Variants in SLC7A11 observed in about 807,000 individuals in gnomAD.
The protein encoded by SLC7A11 is solute carrier family 7 member 11.
A neutral mutation model predicts 54.5 loss-of-function variants in SLC7A11; 35 were observed. The observed-to-expected ratio is 0.64, with a 90% CI of 0.49 to 0.85. The LOEUF (loss-of-function observed/expected upper bound fraction) is 0.85. Ranked by LOEUF, SLC7A11 falls within the 40% of genes least tolerant of loss-of-function variation. The pLI is 0.00. For synonymous variants in SLC7A11, 230 were observed against 225.2 expected, an observed-to-expected ratio of 1.02 and a Z score of -0.19; for missense variants, 583 against 618.1, an observed-to-expected ratio of 0.94 and a Z score of 0.60.
At chr4:138,234,386 T>C (rs981655685) in intron 2 of SLC7A11, among the ~76,000 whole-genome samples, 1 of 152,176 alleles carries the variant, frequency 6.6e-6, no homozygotes, top group Non-Finnish European at 1.5e-5. Flanking sequence ...AAGAGAAATA[T>C]TTACATACTT....
intron 11 of SLC7A11, among the ~76,000 whole-genome samples, chr4:138,173,138 C>T (rs1736478314): frequency 6.6e-6 from 1 of 152,100 alleles, no homozygotes; most frequent in African/African-American, 2.4e-5. Flanking sequence ...CCACCATGCC[C>T]AGCCAGTTTG....
At chr4:138,175,184 A>G (rs1374814472) in intron 11 of SLC7A11, among the ~76,000 whole-genome samples, 1 of 152,180 alleles carries the variant, frequency 6.6e-6, no homozygotes, top group Non-Finnish European at 1.5e-5. Flanking sequence ...ACATAAATGA[A>G]GTTATCTTGA....
At chr4:138,185,347 T>C in intron 6 of SLC7A11, 103 bp from the exon 7 acceptor site, 1 of 1,286,266 alleles carries the variant, frequency 7.8e-7, no homozygotes, top group East Asian at 2.4e-5. Context: ...TAATGGTATC[T>C]ACAATAATTA....
intron 8 of SLC7A11, 59 bp from the exon 9 acceptor site, chr4:138,182,452 ATCC>A: frequency 9.6e-7 from 1 of 1,042,868 alleles, no homozygotes; most frequent in South Asian, 1.3e-5. Flanking sequence ...CAAAGGGAAA[ATCC>A]AAAAATCCCA....
chr4:138,181,928 T>C (rs1736752595), intron 9 of SLC7A11, among the ~76,000 whole-genome samples: 1 of 152,160 alleles, frequency 6.6e-6, no homozygotes, highest in African/African-American at 2.4e-5. Context: ...TACATCTGGG[T>C]ACTTTTTGGA....
intron 1 of SLC7A11, among the ~76,000 whole-genome samples, chr4:138,240,529 T>C (rs983893064): frequency 7.0e-6 from 1 of 143,626 alleles, no homozygotes; most frequent in Non-Finnish European, 1.5e-5. Context: ...ATCACACCAC[T>C]GCACTCCAGC....
intron 4 of SLC7A11, among the ~76,000 whole-genome samples, chr4:138,220,454 A>G (rs911371380): frequency 4.5e-5 from 6 of 132,164 alleles, no homozygotes; most frequent in Non-Finnish European, 8.7e-5. Context: ...AGAGAATGAC[A>G]TGTTTTTTTT....
intron 6 of SLC7A11, among the ~76,000 whole-genome samples, chr4:138,205,255 T>C (rs1737380313): frequency 6.6e-6 from 1 of 152,072 alleles, no homozygotes; most frequent in African/African-American, 2.4e-5. Flanking sequence ...ACTCAGCAAG[T>C]AGATGTTTCT....
chr4:138,209,231 A>G (rs954471718), intron 6 of SLC7A11, among the ~76,000 whole-genome samples: 3 of 152,030 alleles, frequency 2.0e-5, no homozygotes, highest in Non-Finnish European at 2.9e-5. Context: ...GAGGAAGACC[A>G]TAAAGGGTGT....
rs760391383 is a variant in SLC7A11, at chr4:138,170,205, C to CTATATATATATATATATATATA, written c.*1729_*1750dup. The CTATATATATATATATATATATA allele has an allele frequency of 3.1e-5, 3 of 98,168 alleles. No individual in the cohort carries two copies. The highest frequency in any genetic ancestry group is 4.0e-5 in the Non-Finnish European group (2 of 49,440). 6.1% of individuals were successfully genotyped at this position (98,168 alleles called of 1,614,324 possible). A position where few individuals can be genotyped will look rare whatever the true frequency, so the allele number is the denominator to read the frequency against. On this transcript the variant is annotated 3_prime_UTR_variant, in exon 12 of 12. Transcript: ENST00000280612. The stretch of plus-strand genomic sequence containing the variant: ...ATATTACTCTCATTTGTAAGTTCCA[C>CTATATATATATATATATATATA]TATATATATATATATATATATATAA...
At chr4:138,225,691 A>G (rs1341111063) in intron 3 of SLC7A11, among the ~76,000 whole-genome samples, 2 of 152,062 alleles carry the variant, frequency 1.3e-5, no homozygotes, top group Non-Finnish European at 2.9e-5. Context: ...TATTGTTTTA[A>G]TTAAGGAGGT....
At position 138,167,196 on chromosome 4, in the gene SLC7A11, G is replaced by A. The variant is rs376314299; in HGVS notation, c.*4760C>T. ...TGAAGTCTCGCGCTCTTGTCCCCTA[G>A]GCTGGAGTGCAATGATGCGATCTTG... On this transcript the variant is annotated 3_prime_UTR_variant, in exon 12 of 12. Coordinates refer to ENST00000280612, the MANE Select transcript of SLC7A11 (RefSeq NM_014331.4). 1.6e-5 allele frequency: 2 copies of A among 127,542 alleles called. No homozygotes were observed. Among genetic ancestry groups the A allele is most frequent in the African/African-American group, 6.1e-5 (2 of 32,532 alleles). The allele number at this position is 127,542 out of a possible 1,614,324, so 7.9% of individuals were successfully genotyped here. A position where few individuals can be genotyped will look rare whatever the true frequency, so the allele number is the denominator to read the frequency against.
chr4:138,219,327 CT>C lies in SLC7A11; in HGVS notation c.684del (p.Asp229IlefsTer31). The C allele has an allele frequency of 6.2e-7, 1 of 1,611,174 alleles. No individual in the cohort carries two copies. Among genetic ancestry groups the C allele is most frequent in the Non-Finnish European group, 8.5e-7 (1 of 1,177,520 alleles). On this transcript the variant is annotated frameshift_variant, in exon 5 of 12. Coordinates refer to ENST00000280612, the MANE Select transcript of SLC7A11 (RefSeq NM_014331.4). LOFTEE classifies it high-confidence loss of function. ...TQNFKDAFSGRDSSITRLPLA... is the reference protein window; with the variant it reads ...TQNFKDAFSGXDSSITRLPLA... ...AGTGGCAACCGCGTAATACTTGAAT[CT>C]CTTCCTGAAAAGGCGTCTTTAAAGT...
Position 138,184,065 on chromosome 4 carries a change from G to T in SLC7A11, c.916-760C>A, listed in dbSNP as rs535127014. On this transcript the variant is annotated intron_variant, in intron 7 of 11. Coordinates refer to ENST00000280612, the MANE Select transcript of SLC7A11 (RefSeq NM_014331.4). ...TTTTCCAAAAAAAGAAAATGTGTTG[G>T]ATTCATTAGTTGTCCTTGATGCAGC... Among the ~76,000 whole-genome samples the T allele has an allele frequency of 5.3e-5, 8 of 152,244 alleles. No individual in the cohort carries two copies. In the East Asian group the frequency reaches 1.5e-3, roughly 29 times the overall value.
intron 3 of SLC7A11, among the ~76,000 whole-genome samples, chr4:138,225,173 A>ATATATATATATATAT (rs1266953642): frequency 1.8e-5 from 2 of 111,084 alleles, no homozygotes; most frequent in Admixed American, 9.5e-5. Context: ...TATATATATA[A>ATATATATATATATAT]ATAAAATCAT....
rs114999044 is a variant in SLC7A11, at chr4:138,224,162, T to C, written c.521-838A>G. Among the ~76,000 whole-genome samples, 846 of 152,244 alleles carry C rather than the reference T, an allele frequency of 5.6e-3. 9 individuals carry two copies. The highest frequency in any genetic ancestry group is 0.02 in the African/African-American group (813 of 41,544). On this transcript the variant is annotated intron_variant, in intron 3 of 11. Coordinates refer to ENST00000280612, the MANE Select transcript of SLC7A11 (RefSeq NM_014331.4). The stretch of plus-strand genomic sequence containing the variant: ...TGGCCCAGGTAACTTAATACATTTT[T>C]GTTGAATGAATGAACTGGATCCTCA...
At chr4:138,179,931 A>C (rs1157340021) in intron 10 of SLC7A11, among the ~76,000 whole-genome samples, 1 of 152,176 alleles carries the variant, frequency 6.6e-6, no homozygotes, top group Non-Finnish European at 1.5e-5. Context: ...GGCAATGAAT[A>C]TTACTAGAAA....
chr4:138,171,903 C>A lies in SLC7A11; in HGVS notation c.*53G>T. The A allele has an allele frequency of 1.3e-6, 2 of 1,549,364 alleles. No homozygotes were observed. Among genetic ancestry groups the A allele is most frequent in the Non-Finnish European group, 8.6e-7 (1 of 1,158,754 alleles). The stretch of plus-strand genomic sequence containing the variant: ...GACTTTCAGAAAATGAAGTAAAAAT[C>A]CCTATTTTGTGTCTCCCCTTGGGCA... On this transcript the variant is annotated 3_prime_UTR_variant, in exon 12 of 12. Transcript: ENST00000280612.
intron 2 of SLC7A11, among the ~76,000 whole-genome samples, chr4:138,235,408 A>T (rs1578674827): frequency 2.5e-5 from 2 of 80,166 alleles, no homozygotes; most frequent in African/African-American, 3.4e-5. Context: ...TTTTTTGGTT[A>T]AAAAAAAAAA....
Sources: gnomAD v4.1 joint callset for allele counts (sites outside exome capture counted in the v4.1 genomes callset) on GRCh38, gnomAD v4.1.1 for gene constraint, MANE v1.5 for transcripts, NCBI Gene and HGNC (gene_info 2026-07-23, HGNC 2026-07-21) for gene names.